The following HSP90AA1 variants were observed in gnomAD, a reference collection of about 807,000 sequenced individuals.
The protein encoded by HSP90AA1 is heat shock protein 90 alpha family class A member 1.
Under a neutral mutation model 73.3 loss-of-function variants are expected in HSP90AA1, and 18 were observed. The observed-to-expected ratio is 0.25, with a 90% CI of 0.17 to 0.36. The LOEUF (loss-of-function observed/expected upper bound fraction) is 0.36. Among genes scored for constraint, HSP90AA1 ranks in the 10% least tolerant of loss-of-function variants. HSP90AA1 has a pLI of 1.00. For missense variants in HSP90AA1, 704 were observed against 874.2 expected (o/e 0.81, Z 2.45); for synonymous variants, 477 against 296.9 (o/e 1.61, Z -6.24).
intron 1 of HSP90AA1, among the ~76,000 whole-genome samples, chr14:102,106,045 T>C (rs1265924882): frequency 6.6e-6 from 1 of 151,766 alleles, no homozygotes; most frequent in Non-Finnish European, 1.5e-5. Flanking sequence ...CACTGCACTC[T>C]AGCCTGGGCG....
chr14:102,115,294 AAAAC>A lies in HSP90AA1; in HGVS notation c.156-13213_156-13210del, dbSNP rs3993378. Among the ~76,000 whole-genome samples, 895 of 149,192 alleles carry A rather than the reference AAAAC, an allele frequency of 6.0e-3. 9 individuals carry two copies. Among genetic ancestry groups the A allele is most frequent in the African/African-American group, 0.02 (820 of 40,726 alleles). The stretch of plus-strand genomic sequence containing the variant: ...GTGACAGAGCAAGATTCCATCTCAT[AAAAC>A]AAACAAACAAACAAACAAACAAAAC... On this transcript the variant is annotated intron_variant, in intron 1 of 11. Transcript: ENST00000334701.
intron 1 of HSP90AA1, among the ~76,000 whole-genome samples, chr14:102,132,373 AT>A (rs1184393082): frequency 2.6e-5 from 4 of 152,016 alleles, no homozygotes; most frequent in East Asian, 1.9e-4. Flanking sequence ...CTCAAAAAAA[AT>A]AAATAAGTAA....
chr14:102,130,275 A>G (rs2049892664), intron 1 of HSP90AA1, among the ~76,000 whole-genome samples: 1 of 151,984 alleles, frequency 6.6e-6, no homozygotes, highest in Non-Finnish European at 1.5e-5. Context: ...GGCCGTGTGA[A>G]TATGTTTTGA....
At chr14:102,134,224 G>A (rs1176506290) in intron 1 of HSP90AA1, among the ~76,000 whole-genome samples, 1 of 148,890 alleles carries the variant, frequency 6.7e-6, no homozygotes, top group Non-Finnish European at 1.5e-5. Flanking sequence ...TGCAGTCCCA[G>A]CTACTTGGGA....
chr14:102,082,455 A>G lies in HSP90AA1; in HGVS notation c.1756-11T>C. On this transcript the variant is annotated splice_polypyrimidine_tract_variant and intron_variant, in intron 9 of 10. Coordinates refer to ENST00000216281, the MANE Select transcript of HSP90AA1 (RefSeq NM_005348.4). The stretch of plus-strand genomic sequence containing the variant: ...GTTTGACACAACCACCTGTAATCAA[A>G]AAGTGATGACTAGGAACCTAGAAAG... The G allele has an allele frequency of 6.2e-7, 1 of 1,601,540 alleles. No individual in the cohort carries two copies. Among genetic ancestry groups the G allele is most frequent in the Non-Finnish European group, 8.5e-7 (1 of 1,172,482 alleles).
intron 1 of HSP90AA1, among the ~76,000 whole-genome samples, chr14:102,108,249 C>T (rs939542223): frequency 1.2e-4 from 14 of 116,936 alleles, no homozygotes; most frequent in Non-Finnish European, 3.3e-5. Context: ...AGCAACAGAG[C>T]GAGACCTTGT....
Position 102,081,213 on chromosome 14 carries a change from G to A in HSP90AA1, c.*499C>T, listed in dbSNP as rs1051288917. ...AACAATACTTTTCTTTGGAAAACAA[G>A]CCCTGTGGAGAGATCCTTCCATCAA... On this transcript the variant is annotated 3_prime_UTR_variant, in exon 11 of 11. Coordinates refer to ENST00000216281, the MANE Select transcript of HSP90AA1 (RefSeq NM_005348.4). 7.2e-5 allele frequency: 17 copies of A among 236,810 alleles called. No homozygotes were observed. Among genetic ancestry groups the A allele is most frequent in the African/African-American group, 3.3e-4 (15 of 44,984 alleles). The allele number at this position is 236,810 out of a possible 1,614,324, so 14.7% of individuals were successfully genotyped here.
chr14:102,120,877 G>C (rs1303326490), intron 1 of HSP90AA1, among the ~76,000 whole-genome samples: 1 of 151,782 alleles, frequency 6.6e-6, no homozygotes, highest in African/African-American at 2.4e-5. Context: ...GGTGGAAGTT[G>C]CAGTGAGCTG....
At chr14:102,118,569 C>T (rs1356729004) in intron 1 of HSP90AA1, among the ~76,000 whole-genome samples, 1 of 151,914 alleles carries the variant, frequency 6.6e-6, no homozygotes, top group Non-Finnish European at 1.5e-5. Flanking sequence ...TTTAATCTTT[C>T]ATCCACTTTC....
At position 102,086,357 on chromosome 14, in the gene HSP90AA1, G is replaced by A; in HGVS notation, c.22C>T (p.Gln8Ter). 1 of 1,614,172 alleles carries A rather than the reference G, an allele frequency of 6.2e-7. No homozygotes were observed. The highest frequency in any genetic ancestry group is 8.5e-7 in the Non-Finnish European group (1 of 1,180,040). ...TCCTCCTCCTCCATCGGTTGGTCTT[G>A]GGTCTGGGTTTCCTCAGGCATCTGG... MPEETQT[Q>*]DQPMEEEEVE... is the part of the protein sequence containing the mutation. The change falls in exon 2 of 11, where the codon CAA becomes TAA. Residue 8 changes from glutamine to a stop codon, truncating the protein, a stop_gained. Transcript: ENST00000216281. LOFTEE classifies it high-confidence loss of function.
At position 102,084,596 on chromosome 14, in the gene HSP90AA1, GA is replaced by G. The variant is rs766334546; in HGVS notation, c.982-33del. The G allele has an allele frequency of 7.4e-6, 12 of 1,614,068 alleles. No homozygotes were observed. In the East Asian group the frequency reaches 2.5e-4, roughly 33 times the overall value. ...TAAAACAGATACACTAAGTACCAAT[GA>G]ACAATGCATTATAGAAGATATTTGG... On this transcript the variant is annotated intron_variant, in intron 5 of 10. Transcript: ENST00000216281.
Position 102,081,448 on chromosome 14 carries a change from A to C in HSP90AA1, c.*264T>G. The C allele has an allele frequency of 1.8e-6, 1 of 541,918 alleles. No homozygotes were observed. Among genetic ancestry groups the C allele is most frequent in the Non-Finnish European group, 3.3e-6 (1 of 303,028 alleles). The allele number at this position is 541,918 out of a possible 1,614,324, so 33.6% of individuals were successfully genotyped here. A position where few individuals can be genotyped will look rare whatever the true frequency, so the allele number is the denominator to read the frequency against. ...CACTTTAGACCACAAAGTTAACATCATGTTACATACGTCTTACAGTGCACG... is the reference window on the plus strand; with the variant it reads ...CACTTTAGACCACAAAGTTAACATCCTGTTACATACGTCTTACAGTGCACG... On this transcript the variant is annotated 3_prime_UTR_variant, in exon 11 of 11. Coordinates refer to ENST00000216281, the MANE Select transcript of HSP90AA1 (RefSeq NM_005348.4).
chr14:102,112,760 C>T lies in HSP90AA1; in HGVS notation c.156-10675G>A, dbSNP rs551665384. Among the ~76,000 whole-genome samples the T allele has an allele frequency of 5.5e-4, 84 of 152,316 alleles. No homozygotes were observed. In the South Asian group the frequency reaches 0.013, roughly 23 times the overall value. ...CCTCTCAAAGTGCTGGGATTACAGG[C>T]GTGAGCCACTGTGCCCAGTTGATTT... On this transcript the variant is annotated intron_variant, in intron 1 of 11. Transcript: ENST00000334701.
Position 102,110,842 on chromosome 14 carries a change from A to G in HSP90AA1, c.156-8757T>C, listed in dbSNP as rs188556380. Reference sequence around the variant, plus strand: ...GTGATTCACCCGCTTCTGCCTCCCAAAGTGCTAGGATTACAGGCGTGAGCC... The same window carrying G: ...GTGATTCACCCGCTTCTGCCTCCCAGAGTGCTAGGATTACAGGCGTGAGCC... On this transcript the variant is annotated intron_variant, in intron 1 of 11. Transcript: ENST00000334701. 5.1e-4 allele frequency among the ~76,000 whole-genome samples: 78 copies of G among 152,136 alleles called. No individual in the cohort carries two copies. In the East Asian group the frequency reaches 0.012, roughly 24 times the overall value.
In HSP90AA1 at chr14:102,085,316, T is replaced by G. The variant is rs771718403; in HGVS notation, c.645A>C (p.Gly215=). The G allele has an allele frequency of 6.2e-6, 10 of 1,611,958 alleles. No individual in the cohort carries two copies. The Admixed American group carries it at 1.2e-4, about 19-fold the overall frequency. Residue 215 remains glycine, a synonymous_variant, in exon 4 of 11, where the codon GGA becomes GGC. Coordinates refer to ENST00000216281, the MANE Select transcript of HSP90AA1 (RefSeq NM_005348.4). ...EIVKKHSQFI[G]YPITLFVEKE... is the part of the protein sequence containing the mutation. The stretch of plus-strand genomic sequence containing the variant: ...AACTTACAAAAAGAGTAATGGGATA[T>G]CCAATAAACTGAGAATGTTTCTTCA...
intron 1 of HSP90AA1, among the ~76,000 whole-genome samples, chr14:102,127,203 G>A (rs2049850890): frequency 6.6e-6 from 1 of 152,088 alleles, no homozygotes; most frequent in Non-Finnish European, 1.5e-5. Flanking sequence ...GTTAGGAACT[G>A]TTATTGAGGC....
rs972003092 is a variant in HSP90AA1, at chr14:102,085,162, T to G, written c.663+136A>C. 9 of 1,445,118 alleles carry G rather than the reference T, an allele frequency of 6.2e-6. No homozygotes were observed. The Admixed American group carries it at 1.6e-4, about 26-fold the overall frequency. The allele number at this position is 1,445,118 out of a possible 1,614,324, so 89.5% of individuals were successfully genotyped here. ...CATCCACTTAATAGCCCGAGGAACT[T>G]TTACAGAGTTAGGTAGTAGAGCTTA... is the stretch of plus-strand genomic sequence containing the variant. On this transcript the variant is annotated intron_variant, in intron 4 of 10. Transcript: ENST00000216281.
chr14:102,081,862 A>G, intron 10 of HSP90AA1, 41 bp from the exon 11 acceptor site: 1 of 973,622 alleles, frequency 1.0e-6, no homozygotes, highest in Non-Finnish European at 1.7e-6. Context: ...AAGATTTCTT[A>G]AAGCCAGCTA....
At chr14:102,137,166 C>A (rs1342275931) in intron 1 of HSP90AA1, among the ~76,000 whole-genome samples, 1 of 151,116 alleles carries the variant, frequency 6.6e-6, no homozygotes, top group Admixed American at 6.6e-5. Flanking sequence ...GACTGTGCCA[C>A]TGCACTCCAG....
Sources: gnomAD v4.1 joint callset for allele counts (sites outside exome capture counted in the v4.1 genomes callset) on GRCh38, gnomAD v4.1.1 for gene constraint, MANE v1.5 for transcripts, NCBI Gene and HGNC (gene_info 2026-07-23, HGNC 2026-07-21) for gene names.